SLC30A9: variants seen among roughly 807,000 people sequenced by gnomAD.
The protein encoded by SLC30A9 is solute carrier family 30 member 9.
SLC30A9 carries 58 observed loss-of-function variants against 87.5 expected under a neutral mutation model. That is an observed-to-expected ratio of 0.66 (90% CI 0.54 to 0.82). The LOEUF (loss-of-function observed/expected upper bound fraction) is 0.82. Ranked by LOEUF, SLC30A9 falls within the 40% of genes least tolerant of loss-of-function variation. SLC30A9 has a pLI of 0.00. For missense variants in SLC30A9, 557 were observed against 679.1 expected (o/e 0.82, Z 2.00); for synonymous variants, 234 against 233.0 (o/e 1.00, Z -0.04).
intron 2 of SLC30A9, among the ~76,000 whole-genome samples, chr4:42,013,068 C>T (rs1046508461): frequency 5.3e-5 from 8 of 152,024 alleles, no homozygotes; most frequent in Non-Finnish European, 1.2e-4. Flanking sequence ...ATCACTTGAG[C>T]CCAGGAGTTT....
At chr4:42,062,875 A>G in intron 10 of SLC30A9, 111 bp from the exon 11 acceptor site, 1 of 909,766 alleles carries the variant, frequency 1.1e-6, no homozygotes, top group African/African-American at 1.7e-5. Flanking sequence ...CTTAAATATA[A>G]AATTATAACA....
chr4:42,039,006 A>G lies in SLC30A9; in HGVS notation c.690A>G (p.Ser230=). 1 of 1,613,778 alleles carries G rather than the reference A, an allele frequency of 6.2e-7. No individual in the cohort carries two copies. Among genetic ancestry groups the G allele is most frequent in the South Asian group, 1.1e-5 (1 of 91,042 alleles). The part of the protein sequence containing the change: ...GNTKPRSRTA[S]VFFKGPGKVV... ...TACAGCCACGCTCCAGAACAGCATC[A>G]GTGTTTTTTAAGGGACCAGGAAAAG... is the stretch of plus-strand genomic sequence containing the variant. The change falls in exon 8 of 18, where the codon TCA becomes TCG. Residue 230 remains serine (S), a synonymous_variant. Coordinates refer to ENST00000264451, the MANE Select transcript of SLC30A9 (RefSeq NM_006345.4).
intron 14 of SLC30A9, 114 bp from the exon 15 acceptor site, chr4:42,070,412 T>C: frequency 5.6e-6 from 4 of 718,112 alleles, no homozygotes; most frequent in South Asian, 2.5e-5. Context: ...TTAAAGAAAT[T>C]AGGAATAAAT....
intron 1 of SLC30A9, among the ~76,000 whole-genome samples, chr4:41,996,462 C>T (rs1019080244): frequency 1.3e-5 from 2 of 151,902 alleles, no homozygotes; most frequent in African/African-American, 4.8e-5. Flanking sequence ...CTGGCCCAGT[C>T]GTAGTGGCTC....
intron 2 of SLC30A9, among the ~76,000 whole-genome samples, chr4:42,004,591 C>T (rs113671241): frequency 2.0e-4 from 31 of 151,354 alleles, no homozygotes; most frequent in African/African-American, 6.8e-4. Flanking sequence ...TTAGTTGCCT[C>T]TAATATGCTG....
At chr4:42,080,272 C>T (rs1260300318) in intron 17 of SLC30A9, among the ~76,000 whole-genome samples, 1 of 152,122 alleles carries the variant, frequency 6.6e-6, no homozygotes, top group Non-Finnish European at 1.5e-5. Flanking sequence ...AGGAGGTTCC[C>T]TAGAGCACCT....
chr4:42,056,269 T>C (rs4421020), intron 9 of SLC30A9, among the ~76,000 whole-genome samples: 89,745 of 151,718 alleles, frequency 0.59, 32,526 homozygotes, highest in East Asian at 0.95. Flanking sequence ...TGACTGTCAC[T>C]TTTAATGTAC....
chr4:42,055,963 C>T (rs192039772), intron 9 of SLC30A9, among the ~76,000 whole-genome samples: 8 of 152,180 alleles, frequency 5.3e-5, no homozygotes, highest in African/African-American at 1.4e-4. Flanking sequence ...GTTATATATA[C>T]GTACTGATAG....
At chr4:42,041,035 T>C (rs1206943432) in intron 8 of SLC30A9, among the ~76,000 whole-genome samples, 1 of 152,138 alleles carries the variant, frequency 6.6e-6, no homozygotes, top group Non-Finnish European at 1.5e-5. Context: ...GAGCAAGTTA[T>C]GTCTTACATG....
chr4:42,082,777 G>A (rs1272465942), intron 17 of SLC30A9, among the ~76,000 whole-genome samples: 2 of 151,960 alleles, frequency 1.3e-5, no homozygotes, highest in African/African-American at 2.4e-5. Flanking sequence ...GAACCTGGGA[G>A]GTGGAGGTTG....
At chr4:42,059,995 AT>A (rs1717778602) in intron 9 of SLC30A9, among the ~76,000 whole-genome samples, 195 bp from the exon 10 acceptor site, 1 of 152,114 alleles carries the variant, frequency 6.6e-6, no homozygotes, top group African/African-American at 2.4e-5. Flanking sequence ...TTTATAAACA[AT>A]GGTGTTTTGA....
chr4:42,054,718 G>A (rs867501589), intron 9 of SLC30A9, among the ~76,000 whole-genome samples: 5 of 151,856 alleles, frequency 3.3e-5, no homozygotes, highest in Admixed American at 6.6e-5. Flanking sequence ...TTTCGATATG[G>A]TCTTGATCTC....
chr4:42,080,834 G>C lies in SLC30A9; in HGVS notation c.1662+2509G>C, dbSNP rs6823881. Among the ~76,000 whole-genome samples the C allele has an allele frequency of 7.5e-3, 1,138 of 152,226 alleles. 13 individuals carry two copies. Among genetic ancestry groups the C allele is most frequent in the African/African-American group, 0.026 (1,070 of 41,538 alleles). On this transcript the variant is annotated intron_variant, in intron 17 of 17. Transcript: ENST00000264451. ...GTTGGTCTATTTTTATACTCTGAAT[G>C]AATCTTTTACCCATGCATGATTCTA...
intron 14 of SLC30A9, 85 bp from the exon 15 acceptor site, chr4:42,070,441 C>A: frequency 9.7e-7 from 1 of 1,027,992 alleles, no homozygotes; most frequent in Non-Finnish European, 1.4e-6. Context: ...CCTTGATTTA[C>A]TCGTTCTGGT....
intron 2 of SLC30A9, among the ~76,000 whole-genome samples, chr4:42,013,325 A>G (rs958906081): frequency 2.0e-5 from 3 of 152,146 alleles, no homozygotes; most frequent in Admixed American, 6.5e-5. Context: ...TTAGATCACT[A>G]TGAAATTCTA....
At chr4:42,030,581 CTT>C (rs766917053) in intron 6 of SLC30A9, among the ~76,000 whole-genome samples, 10 of 139,130 alleles carry the variant, frequency 7.2e-5, no homozygotes, top group African/African-American at 2.9e-4. Context: ...CTGGCATGGT[CTT>C]TTTTTTTTTT....
At position 41,990,612 on chromosome 4, in the gene SLC30A9, C is replaced by T; in HGVS notation, c.-40C>T. On this transcript the variant is annotated 5_prime_UTR_variant, in exon 1 of 18. The change creates a premature stop within an existing upstream ORF in the 5' untranslated region. Coordinates refer to ENST00000264451, the MANE Select transcript of SLC30A9 (RefSeq NM_006345.4). ...GTTGGTACCGGTGGCGGCGCGGAGG[C>T]AGAAGGCGGTGTCCGAGTAGGGGCC... 7.7e-7 allele frequency: 1 copy of T among 1,293,536 alleles called. No individual in the cohort carries two copies. Among genetic ancestry groups the T allele is most frequent in the Non-Finnish European group, 1.1e-6 (1 of 908,274 alleles). 80.1% of individuals were successfully genotyped at this position (1,293,536 alleles called of 1,614,324 possible). A position where few individuals can be genotyped will look rare whatever the true frequency, so the allele number is the denominator to read the frequency against.
intron 9 of SLC30A9, among the ~76,000 whole-genome samples, chr4:42,052,393 A>G (rs1044271453): frequency 6.6e-6 from 1 of 152,238 alleles, no homozygotes; most frequent in African/African-American, 2.4e-5. Context: ...TTCTCTGTAC[A>G]ATTGACAAAC....
intron 8 of SLC30A9, among the ~76,000 whole-genome samples, chr4:42,040,950 A>G (rs532395592): frequency 1.9e-4 from 29 of 152,314 alleles, no homozygotes; most frequent in Non-Finnish European, 3.5e-4. Flanking sequence ...GGCAATTTAC[A>G]AAAGAAAGAG....
Sources: allele counts gnomAD v4.1 joint callset (sites outside exome capture counted in the v4.1 genomes callset), GRCh38; gene constraint gnomAD v4.1.1; transcripts MANE v1.5; gene names NCBI Gene and HGNC (gene_info 2026-07-23, HGNC 2026-07-21).